The following NSMAF variants were observed in gnomAD, a reference collection of about 807,000 sequenced individuals.
The protein encoded by NSMAF is neutral sphingomyelinase activation associated factor.
In NSMAF, 90 loss-of-function variants were observed where a neutral mutation model predicts 134.9. The ratio of observed to expected loss-of-function variants is 0.67; its 90% CI spans 0.56 to 0.79. NSMAF has a LOEUF of 0.79. Among genes scored for constraint, NSMAF ranks in the 30% least tolerant of loss-of-function variants. The pLI is 0.00. For missense variants in NSMAF, 1,010 were observed against 1,119.0 expected (o/e 0.90, Z 1.39); for synonymous variants, 358 against 389.6 (o/e 0.92, Z 0.96).
At chr8:58,643,767 G>A (rs117187681) in intron 1 of NSMAF, among the ~76,000 whole-genome samples, 2,048 of 152,174 alleles carry the variant, frequency 0.013, 38 homozygotes, top group East Asian at 0.08. Context: ...CCAACCTCAC[G>A]TAATCCACCC....
At chr8:58,591,506 T>TG in intron 23 of NSMAF, among the ~76,000 whole-genome samples, 1 of 144,802 alleles carries the variant, frequency 6.9e-6, no homozygotes, top group South Asian at 2.2e-4. Context: ...TTTTTTTTTT[T>TG]GACACAGTAT....
chr8:58,593,477 G>A (rs1482703780), intron 23 of NSMAF, among the ~76,000 whole-genome samples: 1 of 152,130 alleles, frequency 6.6e-6, no homozygotes, highest in Non-Finnish European at 1.5e-5. Context: ...ACTAAATAAC[G>A]AGTAGCCTTA....
chr8:58,601,042 G>GA, intron 16 of NSMAF: 1 of 346,200 alleles, frequency 2.9e-6, no homozygotes, highest in African/African-American at 2.1e-5. Context: ...AATAATATGG[G>GA]AAAAACTTTA....
intron 1 of NSMAF, among the ~76,000 whole-genome samples, chr8:58,647,785 C>T (rs898838472): frequency 6.6e-6 from 1 of 152,182 alleles, no homozygotes; most frequent in Non-Finnish European, 1.5e-5. Context: ...GAACCATGAG[C>T]CAACTAAGCC....
rs763699072 is a variant in NSMAF, at chr8:58,584,219, GGTTA to G, written c.2660-23_2660-20del. On this transcript the variant is annotated intron_variant, in intron 30 of 30. Transcript: ENST00000038176. ...ACAGCACCTGAGAGAAAGACATTTT[GGTTA>G]GTTAGGAAGTTGACCAGGAGGCACC... 3.8e-6 allele frequency: 6 copies of G among 1,597,654 alleles called. No individual in the cohort carries two copies. Among genetic ancestry groups the G allele is most frequent in the South Asian group, 2.2e-5 (2 of 90,244 alleles).
chr8:58,647,522 T>C (rs953108134), intron 1 of NSMAF, among the ~76,000 whole-genome samples: 2 of 152,140 alleles, frequency 1.3e-5, no homozygotes, highest in African/African-American at 4.8e-5. Flanking sequence ...GGAGGCCCGG[T>C]AGGAGGTGAT....
At chr8:58,586,143 CT>C (rs1805880010) in intron 28 of NSMAF, 143 bp from the exon 29 acceptor site, 1 of 736,480 alleles carries the variant, frequency 1.4e-6, no homozygotes. Flanking sequence ...TGACTATCCT[CT>C]CCTTGAAATG....
chr8:58,647,964 G>T (rs558846061), intron 1 of NSMAF, among the ~76,000 whole-genome samples: 7 of 152,310 alleles, frequency 4.6e-5, no homozygotes, highest in African/African-American at 1.4e-4. Context: ...AGAGTTTGGG[G>T]GACTCAGAAG....
intron 9 of NSMAF, among the ~76,000 whole-genome samples, chr8:58,616,693 A>C (rs921024660): frequency 9.8e-5 from 15 of 152,294 alleles, no homozygotes; most frequent in African/African-American, 3.4e-4. Context: ...ATCAAGAATG[A>C]GGCAATAATG....
rs1430921160 is a variant in NSMAF, at chr8:58,659,637, G to A, written c.-6C>T. ...TTCTTCCGGATAAACGCCATGGAGGGTAGGCGCGGGCGGGCGCAGAGCGCA... is the reference window on the plus strand; with the variant it reads ...TTCTTCCGGATAAACGCCATGGAGGATAGGCGCGGGCGGGCGCAGAGCGCA... On this transcript the variant is annotated 5_prime_UTR_variant, in exon 1 of 31. Transcript: ENST00000038176. The A allele has an allele frequency of 2.8e-6, 4 of 1,439,548 alleles. No individual in the cohort carries two copies. Among genetic ancestry groups the A allele is most frequent in the Non-Finnish European group, 3.6e-6 (4 of 1,097,524 alleles). 89.2% of individuals were successfully genotyped at this position (1,439,548 alleles called of 1,614,324 possible). A position where few individuals can be genotyped will look rare whatever the true frequency, so the allele number is the denominator to read the frequency against.
chr8:58,640,686 T>C (rs1408452209), intron 2 of NSMAF, among the ~76,000 whole-genome samples: 1 of 152,154 alleles, frequency 6.6e-6, no homozygotes, highest in African/African-American at 2.4e-5. Context: ...ACTCCAACTT[T>C]ATAATTAAAT....
Position 58,595,567 on chromosome 8 carries a change from G to T in NSMAF, c.1885C>A (p.His629Asn). ...AAGCAGAGATATTCTTACTCTTTGT[G>T]GATTTTATAGTGCTCGTGTAACTGC... ...KLQLHEHYKI[H>N]KEAVTGITVS... Residue 629 changes from histidine (H) to asparagine (N), a missense_variant, in exon 22 of 31, where the codon CAC becomes AAC. By Grantham distance (68) the His-to-Asn change is moderately conservative. Transcript: ENST00000038176. The T allele has an allele frequency of 6.2e-7, 1 of 1,610,654 alleles. No individual in the cohort carries two copies. The highest frequency in any genetic ancestry group is 8.5e-7 in the Non-Finnish European group (1 of 1,176,878).
At chr8:58,648,125 G>A (rs1308210089) in intron 1 of NSMAF, among the ~76,000 whole-genome samples, 2 of 152,214 alleles carry the variant, frequency 1.3e-5, no homozygotes, top group Non-Finnish European at 2.9e-5. Context: ...AACAAAGGTC[G>A]CCCTTGTTAC....
At chr8:58,589,607 G>C in intron 25 of NSMAF, 32 bp from the exon 26 acceptor site, 1 of 1,543,700 alleles carries the variant, frequency 6.5e-7, no homozygotes, top group South Asian at 1.3e-5. Context: ...TAAAACAGTA[G>C]TCTGGCTTAA....
chr8:58,632,398 C>A (rs1807074489), intron 5 of NSMAF, among the ~76,000 whole-genome samples: 1 of 152,096 alleles, frequency 6.6e-6, no homozygotes, highest in Non-Finnish European at 1.5e-5. Context: ...ACATGAAGTG[C>A]ATAAGATCTC....
intron 23 of NSMAF, among the ~76,000 whole-genome samples, chr8:58,591,356 A>G (rs1361652516): frequency 6.6e-6 from 1 of 152,146 alleles, no homozygotes; most frequent in East Asian, 1.9e-4. Flanking sequence ...CCAATTATAT[A>G]TAGTTAAGTG....
intron 9 of NSMAF, among the ~76,000 whole-genome samples, chr8:58,615,041 A>T (rs1806627040): frequency 6.6e-6 from 1 of 152,176 alleles, no homozygotes. Context: ...AAGAAAACTG[A>T]TGTGGTTACT....
chr8:58,600,258 C>T (rs184771378), intron 16 of NSMAF: 59 of 520,436 alleles, frequency 1.1e-4, no homozygotes, highest in African/African-American at 1.0e-3. Flanking sequence ...AGTCCGAGTC[C>T]ACACCATTAG....
chr8:58,612,367 A>G (rs1806548832), intron 9 of NSMAF, among the ~76,000 whole-genome samples: 3 of 152,268 alleles, frequency 2.0e-5, no homozygotes, highest in Admixed American at 2.0e-4. Context: ...CAGGAGGGTG[A>G]TGTACCCTCA....
Sources: allele counts gnomAD v4.1 joint callset (sites outside exome capture counted in the v4.1 genomes callset), GRCh38; gene constraint gnomAD v4.1.1; transcripts MANE v1.5; gene names NCBI Gene and HGNC (gene_info 2026-07-23, HGNC 2026-07-21).